The following NFIB variants were observed in gnomAD, a reference collection of about 807,000 sequenced individuals.
NFIB encodes the protein nuclear factor 1 B-type.
NFIB carries 11 observed loss-of-function variants against 61.5 expected under a neutral mutation model. The observed-to-expected ratio is 0.18, with a 90% CI of 0.11 to 0.30. NFIB has a LOEUF of 0.30. Ranked by LOEUF, NFIB falls within the 10% of genes least tolerant of loss-of-function variation. The pLI, the probability that NFIB is intolerant of heterozygous loss-of-function variation, is 1.00. For synonymous variants in NFIB, 260 were observed against 216.5 expected, an observed-to-expected ratio of 1.20 and a Z score of -1.76; for missense variants, 471 against 608.9, an observed-to-expected ratio of 0.77 and a Z score of 2.38.
At chr9:14,324,029 C>T (rs920153978) in intron 1 of NFIB, among the ~76,000 whole-genome samples, 1 of 152,172 alleles carries the variant, frequency 6.6e-6, no homozygotes, top group Non-Finnish European at 1.5e-5. Context: ...TTAGCATATA[C>T]AGCTTGGAGA....
chr9:14,125,059 G>T (rs947235573), intron 7 of NFIB, among the ~76,000 whole-genome samples: 1 of 152,152 alleles, frequency 6.6e-6, no homozygotes, highest in Non-Finnish European at 1.5e-5. Context: ...AGATAGCTAT[G>T]TACCCATATT....
chr9:14,094,659 T>A (rs1383854683), intron 10 of NFIB, among the ~76,000 whole-genome samples: 1 of 152,082 alleles, frequency 6.6e-6, no homozygotes, highest in Non-Finnish European at 1.5e-5. Flanking sequence ...AAAGTACTCT[T>A]GTGGGCTCTC....
rs974385729 is a variant in NFIB at position 14,200,635 on chromosome 9, C to G, written c.563-20855G>C. 2.6e-5 allele frequency among the ~76,000 whole-genome samples: 4 copies of G among 152,080 alleles called. No individual in the cohort carries two copies. The East Asian group carries it at 5.8e-4, about 22-fold the overall frequency. ...TCCCTTTTCCTTTAGGGCACCACTCCTTTCTTAGGTCCAATCCTCTATTTC... is the reference window on the plus strand; with the variant it reads ...TCCCTTTTCCTTTAGGGCACCACTCGTTTCTTAGGTCCAATCCTCTATTTC... On this transcript the variant is annotated intron_variant, in intron 2 of 10. Coordinates refer to ENST00000380953, the MANE Select transcript of NFIB (RefSeq NM_001190737.2).
chr9:14,507,721 A>G, the NFIB span, among the ~76,000 whole-genome samples: 1 of 152,154 alleles, frequency 6.6e-6, no homozygotes, highest in Non-Finnish European at 1.5e-5. Flanking sequence ...TTTTTTGAGG[A>G]GAGTGAGAAG....
chr9:14,209,593 G>A (rs2050099163), intron 2 of NFIB, among the ~76,000 whole-genome samples: 1 of 152,220 alleles, frequency 6.6e-6, no homozygotes, highest in Non-Finnish European at 1.5e-5. Flanking sequence ...GAATGAAACA[G>A]CAGGCAGCCT....
the NFIB span, among the ~76,000 whole-genome samples, chr9:14,447,605 C>A: frequency 6.6e-6 from 1 of 152,182 alleles, no homozygotes; most frequent in Non-Finnish European, 1.5e-5. Flanking sequence ...TCACCACATT[C>A]ACCATTAAAA....
intron 1 of NFIB, among the ~76,000 whole-genome samples, chr9:14,331,398 G>C (rs2060819270): frequency 6.6e-6 from 1 of 152,162 alleles, no homozygotes; most frequent in Middle Eastern, 3.2e-3. Flanking sequence ...ATGCCTCAAA[G>C]CATTTTTATC....
the NFIB span, among the ~76,000 whole-genome samples, chr9:14,439,445 GATA>G: frequency 6.6e-6 from 1 of 152,198 alleles, no homozygotes; most frequent in Non-Finnish European, 1.5e-5. Flanking sequence ...CTAAAAAGGG[GATA>G]ATAATAATAC....
chr9:14,368,061 G>C (rs2061321969), intron 1 of NFIB, among the ~76,000 whole-genome samples: 1 of 151,862 alleles, frequency 6.6e-6, no homozygotes, highest in Non-Finnish European at 1.5e-5. Flanking sequence ...TGTACACCAT[G>C]GCACATGTAC....
rs1410698597 is a variant in NFIB at position 14,313,456 on chromosome 9, C to G, written c.30+26G>C. 4 of 1,613,494 alleles carry G rather than the reference C, an allele frequency of 2.5e-6. No homozygotes were observed. The highest frequency in any genetic ancestry group is 3.4e-6 in the Non-Finnish European group (4 of 1,179,772). On this transcript the variant is annotated intron_variant, in intron 1 of 10. Coordinates refer to ENST00000380953, the MANE Select transcript of NFIB (RefSeq NM_001190737.2). This position sits in a 1 kb window ranked among gnomAD's most constrained non-coding sequence, Gnocchi z 4.5. ...AAGGCATTTCGGGCCAGAGAGAAAG[C>G]TCGAGAAAGCGACCGAGACATGTAC...
intron 3 of NFIB, among the ~76,000 whole-genome samples, chr9:14,176,822 G>C (rs1283863866): frequency 3.9e-5 from 6 of 152,054 alleles, no homozygotes; most frequent in Non-Finnish European, 7.4e-5. Context: ...TAAGTTTGTG[G>C]GTAGGCATAT....
At chr9:14,477,879 G>T in the NFIB span, among the ~76,000 whole-genome samples, 2 of 152,240 alleles carry the variant, frequency 1.3e-5, no homozygotes, top group Non-Finnish European at 2.9e-5. Context: ...GCAAAAAATA[G>T]TTCTTCTACT....
At chr9:14,287,833 G>T (rs938133509) in intron 2 of NFIB, among the ~76,000 whole-genome samples, 1 of 152,026 alleles carries the variant, frequency 6.6e-6, no homozygotes, top group Non-Finnish European at 1.5e-5. Flanking sequence ...TTATTTTATT[G>T]TTGGGTGTGT....
At chr9:14,364,800 G>T (rs1251868674) in intron 1 of NFIB, among the ~76,000 whole-genome samples, 1 of 152,272 alleles carries the variant, frequency 6.6e-6, no homozygotes, top group Admixed American at 6.5e-5. Context: ...AGAATAAAAA[G>T]AAATTTTAGG....
chr9:14,385,180 G>A (rs1264079130), intron 1 of NFIB, among the ~76,000 whole-genome samples: 1 of 152,132 alleles, frequency 6.6e-6, no homozygotes, highest in Non-Finnish European at 1.5e-5. Flanking sequence ...TCCTGTGGGG[G>A]TTTGTGTCAT....
chr9:14,396,930 A>C (rs1202732492), intron 1 of NFIB, among the ~76,000 whole-genome samples: 1 of 152,186 alleles, frequency 6.6e-6, no homozygotes, highest in Non-Finnish European at 1.5e-5. Flanking sequence ...TGGATTTGGG[A>C]GGACCATTGT....
chr9:14,438,693 A>T, the NFIB span, among the ~76,000 whole-genome samples: 1 of 152,204 alleles, frequency 6.6e-6, no homozygotes, highest in Non-Finnish European at 1.5e-5. Context: ...GCCCCCTGGA[A>T]TACACGGGCT....
At chr9:14,398,136 T>TA (rs796950941) in intron 1 of NFIB, among the ~76,000 whole-genome samples, 6 of 152,222 alleles carry the variant, frequency 3.9e-5, no homozygotes, top group Non-Finnish European at 7.4e-5. Flanking sequence ...AGTAGAGGTA[T>TA]AAAAAAACAA....
chr9:14,283,949 C>T (rs1029154020), intron 2 of NFIB, among the ~76,000 whole-genome samples: 7 of 152,196 alleles, frequency 4.6e-5, no homozygotes, highest in Admixed American at 2.0e-4. Flanking sequence ...GCTTCATACA[C>T]ACATTATTAT....
Sources: allele counts gnomAD v4.1 joint callset (sites outside exome capture counted in the v4.1 genomes callset), GRCh38; gene constraint gnomAD v4.1.1; non-coding constraint Gnocchi (gnomAD v3.1); transcripts MANE v1.5; gene names NCBI Gene and HGNC (gene_info 2026-07-23, HGNC 2026-07-21).